TNNI3K: variants seen among roughly 807,000 people sequenced by gnomAD.
TNNI3K encodes the protein serine/threonine-protein kinase TNNI3K.
Under a neutral mutation model 114.5 loss-of-function variants are expected in TNNI3K, and 140 were observed. That is an observed-to-expected ratio of 1.22 (90% CI 1.07 to 1.41). The LOEUF (loss-of-function observed/expected upper bound fraction) is 1.41, where lower values mean the gene tolerates loss of function less well. Among genes scored for constraint, TNNI3K ranks in the 40% most tolerant of loss-of-function variants. The probability of loss-of-function intolerance (pLI) is 0.00; values close to 1 mark genes in which losing one functional copy is unlikely to be tolerated. For synonymous variants in TNNI3K, 347 were observed against 347.5 expected (o/e 1.00, Z 0.02); for missense variants, 1,125 against 1,007.6 (o/e 1.12, Z -1.58).
At chr1:74,442,204 C>T (rs529712989) in intron 20 of TNNI3K, among the ~76,000 whole-genome samples, 2 of 151,730 alleles carry the variant, frequency 1.3e-5, no homozygotes, top group Non-Finnish European at 2.9e-5. Flanking sequence ...CAATTCTTTT[C>T]TCATAATTTT....
chr1:74,291,027 G>T (rs1657646545), intron 5 of TNNI3K, among the ~76,000 whole-genome samples: 1 of 151,694 alleles, frequency 6.6e-6, no homozygotes, highest in Non-Finnish European at 1.5e-5. Context: ...GAAAGAGGCT[G>T]TTTAAGGAGT....
intron 5 of TNNI3K, among the ~76,000 whole-genome samples, chr1:74,305,514 A>C (rs1261254045): frequency 6.6e-6 from 1 of 152,216 alleles, no homozygotes; most frequent in East Asian, 1.9e-4. Context: ...CTGTGCTCTT[A>C]TACTTGCAAA....
chr1:74,444,949 A>G (rs1227549465), intron 20 of TNNI3K, among the ~76,000 whole-genome samples: 1 of 152,192 alleles, frequency 6.6e-6, no homozygotes, highest in East Asian at 1.9e-4. Context: ...AACCCTATTT[A>G]ATAAATTGTG....
chr1:74,339,862 T>G (rs1417055461), intron 7 of TNNI3K, among the ~76,000 whole-genome samples: 1 of 152,080 alleles, frequency 6.6e-6, no homozygotes, highest in Admixed American at 6.6e-5. Flanking sequence ...TGTTAAAAAT[T>G]GAAAAAATTA....
chr1:74,472,276 C>A (rs1483196800), intron 21 of TNNI3K: 2 of 677,876 alleles, frequency 3.0e-6, no homozygotes, highest in African/African-American at 1.8e-5. Context: ...GCGTAGAAAC[C>A]TTATGAAAAG....
At chr1:74,364,455 T>C (rs1662156308) in intron 11 of TNNI3K, among the ~76,000 whole-genome samples, 1 of 151,622 alleles carries the variant, frequency 6.6e-6, no homozygotes, top group African/African-American at 2.4e-5. Flanking sequence ...CTGGATGTGG[T>C]AGGTAGAGTA....
intron 13 of TNNI3K, among the ~76,000 whole-genome samples, chr1:74,368,446 A>G (rs969880245): frequency 2.6e-5 from 4 of 151,910 alleles, no homozygotes; most frequent in African/African-American, 9.7e-5. Context: ...TGGAATTTAA[A>G]TTCCAAATAG....
At chr1:74,496,615 T>C (rs1353284707) in intron 23 of TNNI3K, among the ~76,000 whole-genome samples, 4 of 152,278 alleles carry the variant, frequency 2.6e-5, no homozygotes, top group African/African-American at 9.6e-5. Context: ...TTTCTAATTA[T>C]TATTATTCTT....
At chr1:74,273,815 C>A (rs969355783) in intron 5 of TNNI3K, among the ~76,000 whole-genome samples, 1 of 151,824 alleles carries the variant, frequency 6.6e-6, no homozygotes, top group African/African-American at 2.4e-5. Flanking sequence ...CTGCAAAAAG[C>A]AAGTATAGAT....
intron 23 of TNNI3K, among the ~76,000 whole-genome samples, chr1:74,535,955 C>CA (rs1284204011): frequency 1.3e-5 from 2 of 151,996 alleles, no homozygotes; most frequent in African/African-American, 4.8e-5. Context: ...TTATCTTCAT[C>CA]AAAAAAATAA....
intron 9 of TNNI3K, among the ~76,000 whole-genome samples, chr1:74,344,115 C>A (rs1660881056): frequency 6.6e-6 from 1 of 152,090 alleles, no homozygotes; most frequent in South Asian, 2.1e-4. Flanking sequence ...TTATTTCTTA[C>A]CAAACTAAAA....
rs1473917904 is a variant in TNNI3K, at chr1:74,448,421, G to A, written c.2011+8799G>A. ...ATGTCGTCTGCAAACAGGGACAATT[G>A]ACTTCCTCTTTTCCTAATTGAATAC... On this transcript the variant is annotated intron_variant, in intron 20 of 24. Coordinates refer to ENST00000326637, the MANE Select transcript of TNNI3K (RefSeq NM_015978.3). 4.2e-4 allele frequency among the ~76,000 whole-genome samples: 62 copies of A among 147,678 alleles called. 4 individuals are homozygous for A. Among genetic ancestry groups the A allele is most frequent in the African/African-American group, 1.6e-3 (60 of 38,320 alleles).
Position 74,344,492 on chromosome 1 carries a change from A to C in TNNI3K, c.932+1313A>C, listed in dbSNP as rs556334615. The stretch of plus-strand genomic sequence containing the variant: ...TATTTTGTCTGTTTTCTACACACTC[A>C]GTAACAGAACAGATGCAAGAACTCC... On this transcript the variant is annotated intron_variant, in intron 9 of 24. Coordinates refer to ENST00000326637, the MANE Select transcript of TNNI3K (RefSeq NM_015978.3). Among the ~76,000 whole-genome samples the C allele has an allele frequency of 9.2e-5, 14 of 152,302 alleles. No individual in the cohort carries two copies. In the South Asian group the frequency reaches 2.5e-3, roughly 27 times the overall value.
chr1:74,258,019 G>T lies in TNNI3K; in HGVS notation c.333+7250G>T, dbSNP rs969904311. Among the ~76,000 whole-genome samples the T allele has an allele frequency of 3.3e-5, 5 of 152,074 alleles. No individual in the cohort carries two copies. The East Asian group carries it at 9.7e-4, about 29-fold the overall frequency. Reference sequence around the variant, plus strand: ...CATGTGGCTCTCACACCTGAACATGGTGCTTACTCCTAAAGTATGATTTTT... The same window carrying T: ...CATGTGGCTCTCACACCTGAACATGTTGCTTACTCCTAAAGTATGATTTTT... On this transcript the variant is annotated intron_variant, in intron 4 of 24. Transcript: ENST00000326637.
Position 74,349,478 on chromosome 1 carries a change from G to A in TNNI3K, c.933-3788G>A, listed in dbSNP as rs139646279. Among the ~76,000 whole-genome samples, 1,208 of 152,148 alleles carry A rather than the reference G, an allele frequency of 7.9e-3. 9 individuals carry two copies. Among genetic ancestry groups the A allele is most frequent in the Non-Finnish European group, 0.012 (793 of 67,988 alleles). On this transcript the variant is annotated intron_variant, in intron 9 of 24. Transcript: ENST00000326637. ...CAGCCTTTGGTATCAGGATGATGCCGGCCTCATAAAATGAGTTAGGGAGGA... is the reference window on the plus strand; with the variant it reads ...CAGCCTTTGGTATCAGGATGATGCCAGCCTCATAAAATGAGTTAGGGAGGA...
In TNNI3K at chr1:74,354,042, G is replaced by T. The variant is rs759404199; in HGVS notation, c.1090G>T (p.Ala364Ser). 2 of 1,614,082 alleles carry T rather than the reference G, an allele frequency of 1.2e-6. No homozygotes were observed. Among genetic ancestry groups the T allele is most frequent in the Non-Finnish European group, 1.7e-6 (2 of 1,179,996 alleles). Reference protein sequence around the residue: ...RLVQFLLDNGADMNLVACDPS... With the variant: ...RLVQFLLDNGSDMNLVACDPS... ...GGTTCAGTTCTTACTGGATAATGGAGCTGATATGAATCTAGTGGCTTGTGA... is the reference window on the plus strand; with the variant it reads ...GGTTCAGTTCTTACTGGATAATGGATCTGATATGAATCTAGTGGCTTGTGA... Residue 364 changes from alanine (A) to serine (S), a missense_variant, in exon 11 of 25, where the codon GCT (alanine) becomes TCT (serine). Coordinates refer to ENST00000326637, the MANE Select transcript of TNNI3K (RefSeq NM_015978.3).
intron 2 of TNNI3K, among the ~76,000 whole-genome samples, chr1:74,247,874 G>A (rs926087605): frequency 7.9e-5 from 12 of 152,156 alleles, no homozygotes; most frequent in Non-Finnish European, 1.3e-4. Flanking sequence ...AGGCGGAGCC[G>A]CCTGCCAGTC....
At chr1:74,420,365 C>A (rs1247631641) in intron 17 of TNNI3K, among the ~76,000 whole-genome samples, 2 of 152,098 alleles carry the variant, frequency 1.3e-5, no homozygotes, top group Non-Finnish European at 2.9e-5. Context: ...CAATGTAGGA[C>A]TCTAGAAAGA....
At chr1:74,399,523 C>T (rs2100587463) in intron 17 of TNNI3K, among the ~76,000 whole-genome samples, 1 of 151,734 alleles carries the variant, frequency 6.6e-6, no homozygotes, top group East Asian at 2.0e-4. Context: ...GGGAAGGTCC[C>T]TTTCAAGTGC....
Sources: gnomAD v4.1 joint callset for allele counts (sites outside exome capture counted in the v4.1 genomes callset) on GRCh38, gnomAD v4.1.1 for gene constraint, MANE v1.5 for transcripts, NCBI Gene and HGNC (gene_info 2026-07-23, HGNC 2026-07-21) for gene names.